The following PTPRO variants were observed in gnomAD, a reference collection of about 807,000 sequenced individuals.
PTPRO encodes receptor-type tyrosine-protein phosphatase O.
In PTPRO, 62 loss-of-function variants were observed where a neutral mutation model predicts 145.2. The ratio of observed to expected loss-of-function variants is 0.43; its 90% CI spans 0.35 to 0.53. The LOEUF (loss-of-function observed/expected upper bound fraction) is 0.53, where lower values mean the gene tolerates loss of function less well. Ranked by LOEUF, PTPRO falls within the 20% of genes least tolerant of loss-of-function variation. PTPRO has a pLI of 0.01. For synonymous variants in PTPRO, 565 were observed against 514.7 expected, an observed-to-expected ratio of 1.10 and a Z score of -1.32; for missense variants, 1,345 against 1,482.7, an observed-to-expected ratio of 0.91 and a Z score of 1.53.
At chr12:15,435,285 A>G (rs1940563944) in intron 1 of PTPRO, among the ~76,000 whole-genome samples, 1 of 152,232 alleles carries the variant, frequency 6.6e-6, no homozygotes, top group Admixed American at 6.5e-5. Context: ...ATGATTTTAT[A>G]CTATTTGGCA....
At chr12:15,474,445 C>G (rs1307333385) in intron 1 of PTPRO, among the ~76,000 whole-genome samples, 1 of 152,086 alleles carries the variant, frequency 6.6e-6, no homozygotes, top group Non-Finnish European at 1.5e-5. Context: ...TTAGCTGGCC[C>G]CACTGGTTAT....
At chr12:15,424,846 T>C (rs1483513067) in intron 1 of PTPRO, among the ~76,000 whole-genome samples, 1 of 151,994 alleles carries the variant, frequency 6.6e-6, no homozygotes, top group African/African-American at 2.4e-5. Context: ...GTGAAAATGG[T>C]GAAAGTTAGT....
chr12:15,340,377 A>G (rs1429151635), intron 1 of PTPRO, among the ~76,000 whole-genome samples: 1 of 152,174 alleles, frequency 6.6e-6, no homozygotes, highest in East Asian at 1.9e-4. Context: ...CAGGTGACTG[A>G]ATCAGTCCTT....
intron 12 of PTPRO, among the ~76,000 whole-genome samples, chr12:15,543,121 C>T (rs117293128): frequency 2.0e-4 from 31 of 152,262 alleles, no homozygotes; most frequent in Non-Finnish European, 3.7e-4. Context: ...ACACCAATCA[C>T]GAAGATCCTG....
chr12:15,385,005 A>C (rs1938978542), intron 1 of PTPRO, among the ~76,000 whole-genome samples: 2 of 152,242 alleles, frequency 1.3e-5, no homozygotes, highest in Non-Finnish European at 2.9e-5. Context: ...AAATGTATGC[A>C]CACAGGATTA....
At chr12:15,358,818 A>T (rs1319489382) in intron 1 of PTPRO, among the ~76,000 whole-genome samples, 1 of 152,256 alleles carries the variant, frequency 6.6e-6, no homozygotes, top group African/African-American at 2.4e-5. Flanking sequence ...TCCCAGGCCA[A>T]CATCGAAAGT....
chr12:15,436,011 T>TG (rs1940585486), intron 1 of PTPRO, among the ~76,000 whole-genome samples: 1 of 152,226 alleles, frequency 6.6e-6, no homozygotes, highest in African/African-American at 2.4e-5. Context: ...CTGAACAACC[T>TG]GCTCCTGAAT....
chr12:15,429,688 T>TTAAAGGGTTAGAGGCAGAG (rs1411449179), intron 1 of PTPRO, among the ~76,000 whole-genome samples: 1 of 152,120 alleles, frequency 6.6e-6, no homozygotes, highest in Non-Finnish European at 1.5e-5. Context: ...ATTTGTGTCA[T>TTAAAGGGTTAGAGGCAGAG]TAAAGGGTTA....
rs1219903677 is a variant in PTPRO at position 15,587,238 on chromosome 12, C to A, written c.3410+187C>A. On this transcript the variant is annotated intron_variant, in intron 24 of 26. Transcript: ENST00000281171. The stretch of plus-strand genomic sequence containing the variant: ...ATTCTGGCTTTCCTGTATCTATACC[C>A]TATAAAATAGATGTTATTATTCCAA... 38 of 653,928 alleles carry A rather than the reference C, an allele frequency of 5.8e-5. No individual in the cohort carries two copies. The East Asian group carries it at 1.0e-3, about 18-fold the overall frequency. The allele number at this position is 653,928 out of a possible 1,614,324, so 40.5% of individuals were successfully genotyped here.
intron 1 of PTPRO, among the ~76,000 whole-genome samples, chr12:15,356,335 C>A (rs1937987847): frequency 6.6e-6 from 1 of 152,042 alleles, no homozygotes; most frequent in Admixed American, 6.6e-5. Context: ...ATTATTTCTC[C>A]CAATTTTCCT....
intron 1 of PTPRO, among the ~76,000 whole-genome samples, chr12:15,415,425 C>T (rs1442914231): frequency 6.6e-6 from 1 of 151,328 alleles, no homozygotes; most frequent in Non-Finnish European, 1.5e-5. Context: ...CGCTCTGTCG[C>T]CCAGGCTGGA....
chr12:15,586,142 C>G (rs1047271077), intron 23 of PTPRO, among the ~76,000 whole-genome samples: 16 of 152,194 alleles, frequency 1.1e-4, no homozygotes, highest in African/African-American at 3.9e-4. Context: ...AACTGAAGCT[C>G]AGTGAGTCAA....
intron 1 of PTPRO, among the ~76,000 whole-genome samples, chr12:15,404,937 G>C (rs1939605208): frequency 6.6e-6 from 1 of 152,138 alleles, no homozygotes; most frequent in African/African-American, 2.4e-5. Context: ...TTCTTGGTGA[G>C]GGCTGTCTTC....
At chr12:15,519,760 C>T (rs113032223) in intron 9 of PTPRO, among the ~76,000 whole-genome samples, 3 of 152,252 alleles carry the variant, frequency 2.0e-5, no homozygotes, top group Admixed American at 6.5e-5. Context: ...GTGGGTTACC[C>T]ATGGGCTATT....
intron 1 of PTPRO, among the ~76,000 whole-genome samples, chr12:15,388,343 T>G (rs1454790792): frequency 6.6e-6 from 1 of 152,226 alleles, no homozygotes; most frequent in African/African-American, 2.4e-5. Context: ...ATAGAAGAGA[T>G]AGCCACTCAC....
At chr12:15,444,088 G>T (rs76235686) in intron 1 of PTPRO, among the ~76,000 whole-genome samples, 2,358 of 152,168 alleles carry the variant, frequency 0.015, 49 homozygotes, top group African/African-American at 0.052. Flanking sequence ...CAACCTAGGG[G>T]CCTATCAGCA....
intron 17 of PTPRO, among the ~76,000 whole-genome samples, chr12:15,563,276 G>A (rs932048320): frequency 1.3e-5 from 2 of 152,058 alleles, no homozygotes; most frequent in East Asian, 1.9e-4. Flanking sequence ...ATGAAAAGGC[G>A]AACCCTACAT....
At chr12:15,478,815 G>A (rs1941714758) in intron 1 of PTPRO, among the ~76,000 whole-genome samples, 1 of 151,998 alleles carries the variant, frequency 6.6e-6, no homozygotes, top group African/African-American at 2.4e-5. Context: ...GGGACTACAG[G>A]TGCCCGCCAC....
At chr12:15,588,417 G>A (rs961779745) in intron 24 of PTPRO, among the ~76,000 whole-genome samples, 2 of 152,068 alleles carry the variant, frequency 1.3e-5, no homozygotes, top group African/African-American at 4.8e-5. Context: ...GGATTAGAGG[G>A]AAAAAAGGGC....
Sources: gnomAD v4.1 joint callset for allele counts (sites outside exome capture counted in the v4.1 genomes callset) on GRCh38, gnomAD v4.1.1 for gene constraint, MANE v1.5 for transcripts, NCBI Gene and HGNC (gene_info 2026-07-23, HGNC 2026-07-21) for gene names.